Variants in PTPRG observed in about 807,000 individuals in gnomAD.
PTPRG encodes receptor-type tyrosine-protein phosphatase gamma.
Under a neutral mutation model 165.3 loss-of-function variants are expected in PTPRG, and 102 were observed. That is an observed-to-expected ratio of 0.62 (90% confidence interval 0.53 to 0.73). The LOEUF is 0.73. Ranked by LOEUF, PTPRG falls within the 30% of genes least tolerant of loss-of-function variation. The pLI is 0.00. For missense variants in PTPRG, 1,866 were observed against 1,861.4 expected, an observed-to-expected ratio of 1.00 and a Z score of -0.05; for synonymous variants, 675 against 669.5, an observed-to-expected ratio of 1.01 and a Z score of -0.13.
intron 3 of PTPRG, among the ~76,000 whole-genome samples, chr3:61,997,502 C>T (rs1173920777): frequency 6.6e-6 from 1 of 152,168 alleles, no homozygotes; most frequent in East Asian, 1.9e-4. Context: ...TTGATTCTTT[C>T]TTGATGTTCT....
chr3:61,773,774 A>AT (rs1386015541), intron 2 of PTPRG, among the ~76,000 whole-genome samples: 2 of 146,798 alleles, frequency 1.4e-5, no homozygotes, highest in African/African-American at 5.0e-5. Flanking sequence ...CTTCTCCCCC[A>AT]TTGACTTTTT....
In PTPRG at chr3:61,676,471, A is replaced by AAAAAAAAAAAAAAAAAAAAAG. The variant is rs369505317; in HGVS notation, c.86-72404_86-72403insAAAAAAAAAAAAAAAAAGAAA. Among the ~76,000 whole-genome samples the AAAAAAAAAAAAAAAAAAAAAG allele has an allele frequency of 7.1e-4, 70 of 99,034 alleles. 4 individuals carry two copies. Among genetic ancestry groups the AAAAAAAAAAAAAAAAAAAAAG allele is most frequent in the Admixed American group, 1.9e-3 (15 of 7,956 alleles). 65.0% of individuals were successfully genotyped at this position (99,034 alleles called of 152,430 possible). ...GACTCCATCTCAAAAAAAAAAAAAA[A>AAAAAAAAAAAAAAAAAAAAAG]AAAGAAAATTACTAAAGTCTGTGAA... On this transcript the variant is annotated intron_variant, in intron 1 of 29. Coordinates refer to ENST00000474889, the MANE Select transcript of PTPRG (RefSeq NM_002841.4).
chr3:61,865,322 G>T (rs1394943700), intron 2 of PTPRG, among the ~76,000 whole-genome samples: 1 of 152,206 alleles, frequency 6.6e-6, no homozygotes, highest in Non-Finnish European at 1.5e-5. Flanking sequence ...AGAGCTACAT[G>T]TGAGGCCTTG....
Position 61,593,214 on chromosome 3 carries a change from A to G in PTPRG, c.85+30842A>G, listed in dbSNP as rs990385286. The stretch of plus-strand genomic sequence containing the variant: ...TCTGGCCCATATCCATCTCTTCTTC[A>G]TGGCATATCCCTGTATACACACTGG... On this transcript the variant is annotated intron_variant, in intron 1 of 29. Transcript: ENST00000474889. 2.0e-5 allele frequency among the ~76,000 whole-genome samples: 3 copies of G among 152,172 alleles called. No homozygotes were observed. In the East Asian group the frequency reaches 5.8e-4, roughly 29 times the overall value.
intron 2 of PTPRG, among the ~76,000 whole-genome samples, chr3:61,911,561 G>A (rs1343236249): frequency 6.6e-6 from 1 of 152,078 alleles, no homozygotes; most frequent in Admixed American, 6.6e-5. Flanking sequence ...GTCTACAAGT[G>A]TATTTTTAAT....
intron 1 of PTPRG, among the ~76,000 whole-genome samples, chr3:61,575,886 A>G (rs1186537892): frequency 6.6e-6 from 1 of 152,130 alleles, no homozygotes; most frequent in Non-Finnish European, 1.5e-5. Context: ...GCTGGAGCTG[A>G]TATTATAGAC....
intron 6 of PTPRG, among the ~76,000 whole-genome samples, chr3:62,138,356 G>A (rs923546853): frequency 4.6e-5 from 7 of 152,162 alleles, no homozygotes; most frequent in African/African-American, 1.7e-4. Context: ...TATGAACAGT[G>A]CAAAAACTGC....
At chr3:61,565,002 T>A in intron 1 of PTPRG, among the ~76,000 whole-genome samples, 1 of 152,374 alleles carries the variant, frequency 6.6e-6, no homozygotes, top group Non-Finnish European at 1.5e-5. Flanking sequence ...GCTTCTGTTT[T>A]GGAGTAGGGT....
At chr3:62,022,934 CTG>C (rs1469299505) in intron 4 of PTPRG, among the ~76,000 whole-genome samples, 2 of 151,884 alleles carry the variant, frequency 1.3e-5, no homozygotes, top group African/African-American at 4.8e-5. Context: ...TTTTTCTTGT[CTG>C]TTATTTTAAA....
At chr3:61,721,158 T>C (rs79010533) in intron 1 of PTPRG, among the ~76,000 whole-genome samples, 2 of 152,358 alleles carry the variant, frequency 1.3e-5, no homozygotes, top group Admixed American at 6.5e-5. Flanking sequence ...ACTGTACATT[T>C]CTGTTTCTGG....
intron 1 of PTPRG, among the ~76,000 whole-genome samples, chr3:61,577,828 G>T (rs1700201216): frequency 6.6e-6 from 1 of 152,206 alleles, no homozygotes; most frequent in South Asian, 2.1e-4. Flanking sequence ...AGGGCTAAGA[G>T]AAACTCTTGT....
rs1403660011 is a variant in PTPRG, at chr3:62,234,000, TGCTA to T, written c.2375+2691_2375+2694del. ...CTCCTCACAAATAGGTAGCCCCTAT[TGCTA>T]GTTTGTTGTCTATTCTTCCAGGGAT... is the stretch of plus-strand genomic sequence containing the variant. On this transcript the variant is annotated intron_variant, in intron 14 of 29. Transcript: ENST00000474889. This position sits in a 1 kb window ranked among gnomAD's most constrained non-coding sequence, Gnocchi z 4.7. 2.6e-5 allele frequency among the ~76,000 whole-genome samples: 4 copies of T among 152,184 alleles called. No homozygotes were observed. The highest frequency in any genetic ancestry group is 4.4e-5 in the Non-Finnish European group (3 of 68,028).
At chr3:62,164,664 A>G (rs1367400227) in intron 7 of PTPRG, among the ~76,000 whole-genome samples, 1 of 152,236 alleles carries the variant, frequency 6.6e-6, no homozygotes. Context: ...GGAAGCCACC[A>G]TGCTTTTAAA....
intron 7 of PTPRG, among the ~76,000 whole-genome samples, chr3:62,160,197 C>T (rs1005847360): frequency 2.6e-5 from 4 of 152,178 alleles, no homozygotes; most frequent in Non-Finnish European, 4.4e-5. Context: ...TGAAATATAA[C>T]GGTTAGCACA....
intron 5 of PTPRG, among the ~76,000 whole-genome samples, chr3:62,131,174 A>C (rs568986813): frequency 1.6e-4 from 25 of 152,186 alleles, no homozygotes; most frequent in Non-Finnish European, 3.4e-4. Flanking sequence ...TGAGCATTAT[A>C]GGATGTTTAG....
intron 1 of PTPRG, among the ~76,000 whole-genome samples, chr3:61,589,444 T>C (rs890740467): frequency 3.3e-5 from 5 of 152,236 alleles, no homozygotes; most frequent in Admixed American, 6.5e-5. Flanking sequence ...TTCTCAGATA[T>C]CTGCTTCTAA....
At chr3:62,208,626 C>T (rs1255198071) in intron 12 of PTPRG, among the ~76,000 whole-genome samples, 1 of 152,136 alleles carries the variant, frequency 6.6e-6, no homozygotes, top group Non-Finnish European at 1.5e-5. Flanking sequence ...GGCCCATGAG[C>T]TAAGAATGAA....
At chr3:61,721,370 G>T (rs941543247) in intron 1 of PTPRG, among the ~76,000 whole-genome samples, 2 of 152,170 alleles carry the variant, frequency 1.3e-5, no homozygotes, top group African/African-American at 4.8e-5. Context: ...GGTGCCTCCA[G>T]TAGAGATGTT....
At chr3:62,028,332 T>G (rs1203663646) in intron 4 of PTPRG, among the ~76,000 whole-genome samples, 1 of 152,230 alleles carries the variant, frequency 6.6e-6, no homozygotes, top group Non-Finnish European at 1.5e-5. Context: ...CCTATACATT[T>G]TTAAGAGTTG....
Sources: allele counts gnomAD v4.1 joint callset (sites outside exome capture counted in the v4.1 genomes callset), GRCh38; gene constraint gnomAD v4.1.1; non-coding constraint Gnocchi (gnomAD v3.1); transcripts MANE v1.5; gene names NCBI Gene and HGNC (gene_info 2026-07-23, HGNC 2026-07-21).